The following CD38 variants were observed in gnomAD, a reference collection of about 807,000 sequenced individuals.
CD38 encodes CD38 molecule, also known as ADP-ribosyl cyclase/cyclic ADP-ribose hydrolase 1.
Under a neutral mutation model 36.3 loss-of-function variants are expected in CD38, and 31 were observed. The observed-to-expected ratio is 0.85, with a 90% CI of 0.64 to 1.15. The LOEUF (loss-of-function observed/expected upper bound fraction) is 1.15. CD38 is among the 50% of genes most tolerant of loss of function. The pLI is 0.00. For synonymous variants in CD38, 131 were observed against 135.2 expected (o/e 0.97, Z 0.22); for missense variants, 380 against 371.9 (o/e 1.02, Z -0.18).
rs180877957 is a variant in CD38, at chr4:15,803,759, G to A, written c.234-12752G>A. On this transcript the variant is annotated intron_variant, in intron 1 of 7. Transcript: ENST00000226279. ...TGATTGAACCCATCTCCCAGGTGGT[G>A]AGCATAGTACCCAATATGTGGTTTT... Among the ~76,000 whole-genome samples, 26 of 152,262 alleles carry A rather than the reference G, an allele frequency of 1.7e-4. 1 individual carries two copies. The East Asian group carries it at 1.7e-3, about 10-fold the overall frequency.
intron 5 of CD38, among the ~76,000 whole-genome samples, chr4:15,838,385 C>T (rs1345935373): frequency 6.6e-6 from 1 of 152,134 alleles, no homozygotes; most frequent in Non-Finnish European, 1.5e-5. Context: ...GTTCTAATGG[C>T]CACTGCACTG....
chr4:15,815,804 A>C (rs1046332922), intron 1 of CD38, among the ~76,000 whole-genome samples: 5 of 152,136 alleles, frequency 3.3e-5, no homozygotes, highest in African/African-American at 9.7e-5. Flanking sequence ...TACTATGTTG[A>C]ACAGGAGTGG....
rs535987534 is a variant in CD38, at chr4:15,786,805, C to T, written c.233+8158C>T. ...GCGGTGCTCGTCGGGGAGGCTCCAG[C>T]GGCACAGGAGCCCACGGCAGGGAGG... On this transcript the variant is annotated intron_variant, in intron 1 of 7. Transcript: ENST00000226279. Among the ~76,000 whole-genome samples, 6 of 152,186 alleles carry T rather than the reference C, an allele frequency of 3.9e-5. No individual in the cohort carries two copies. The South Asian group carries it at 6.2e-4, about 16-fold the overall frequency.
At chr4:15,783,143 A>G (rs1052063447) in intron 1 of CD38, among the ~76,000 whole-genome samples, 1 of 152,136 alleles carries the variant, frequency 6.6e-6, no homozygotes, top group Non-Finnish European at 1.5e-5. Context: ...TGAAATACAC[A>G]TGGCCAAGAC....
chr4:15,795,743 G>T (rs1452405151), intron 1 of CD38, among the ~76,000 whole-genome samples: 1 of 152,026 alleles, frequency 6.6e-6, no homozygotes, highest in African/African-American at 2.4e-5. Flanking sequence ...AAGCTCAGTT[G>T]TCTACTCCCT....
rs1211388813 is a variant in CD38, at chr4:15,850,313, T to A, written c.*1711T>A. On this transcript the variant is annotated 3_prime_UTR_variant, in exon 8 of 8. Coordinates refer to ENST00000226279, the MANE Select transcript of CD38 (RefSeq NM_001775.4). ...GACCCTGTCTCAATAAAAGCAAAAA[T>A]AAAGAAAATAAACCATATGTGTTGA... The A allele has an allele frequency of 6.6e-6, 1 of 152,014 alleles. No individual in the cohort carries two copies. The highest frequency in any genetic ancestry group is 2.4e-5 in the African/African-American group (1 of 41,384). The allele number at this position is 152,014 out of a possible 1,614,324, so 9.4% of individuals were successfully genotyped here. A position where few individuals can be genotyped will look rare whatever the true frequency, so the allele number is the denominator to read the frequency against.
At chr4:15,802,821 AG>A (rs1314554934) in intron 1 of CD38, among the ~76,000 whole-genome samples, 3 of 152,204 alleles carry the variant, frequency 2.0e-5, no homozygotes, top group African/African-American at 7.2e-5. Flanking sequence ...CTGGTATTAC[AG>A]GCATGAGCCT....
intron 1 of CD38, among the ~76,000 whole-genome samples, chr4:15,790,450 T>C (rs1224358073): frequency 1.3e-5 from 2 of 151,914 alleles, no homozygotes; most frequent in African/African-American, 2.4e-5. Context: ...GGTGCCGGGA[T>C]TGCGGACGGA....
chr4:15,789,594 C>T (rs1722913504), intron 1 of CD38, among the ~76,000 whole-genome samples: 1 of 152,092 alleles, frequency 6.6e-6, no homozygotes, highest in African/African-American at 2.4e-5. Context: ...CCAGAAGTGG[C>T]AGGATGAGAG....
chr4:15,808,598 C>T (rs987922923), intron 1 of CD38, among the ~76,000 whole-genome samples: 1 of 152,206 alleles, frequency 6.6e-6, no homozygotes, highest in Non-Finnish European at 1.5e-5. Flanking sequence ...CCAGGGATAG[C>T]TATTCTTACA....
chr4:15,839,868 G>A (rs1196450796), intron 5 of CD38, among the ~76,000 whole-genome samples, 158 bp from the exon 6 acceptor site: 4 of 152,172 alleles, frequency 2.6e-5, no homozygotes, highest in Admixed American at 1.3e-4. Flanking sequence ...CGAGGGTCAT[G>A]CTGAATAAGA....
At chr4:15,811,554 T>C (rs1300423663) in intron 1 of CD38, among the ~76,000 whole-genome samples, 1 of 152,194 alleles carries the variant, frequency 6.6e-6, no homozygotes, top group Non-Finnish European at 1.5e-5. Context: ...TGAATGGCCT[T>C]GGCACTCTTG....
intron 3 of CD38, chr4:15,826,035 GT>G (rs1723837422): frequency 6.8e-6 from 1 of 148,124 alleles, no homozygotes; most frequent in Non-Finnish European, 1.5e-5. Flanking sequence ...TTCATTGTTT[GT>G]TTTTAAAAGC....
chr4:15,802,190 A>G (rs1247832428), intron 1 of CD38, among the ~76,000 whole-genome samples: 2 of 152,092 alleles, frequency 1.3e-5, no homozygotes, highest in Non-Finnish European at 2.9e-5. Context: ...TACAATAGCT[A>G]CCCCCCAAAA....
chr4:15,786,281 G>C (rs1722827267), intron 1 of CD38, among the ~76,000 whole-genome samples: 1 of 152,220 alleles, frequency 6.6e-6, no homozygotes, highest in Non-Finnish European at 1.5e-5. Flanking sequence ...CTGCTGATTG[G>C]TTCATTTTAC....
chr4:15,779,757 G>A (rs577987055), intron 1 of CD38, among the ~76,000 whole-genome samples: 1 of 151,386 alleles, frequency 6.6e-6, no homozygotes, highest in South Asian at 2.1e-4. Flanking sequence ...AAAGTATGAA[G>A]TGAAATCCAA....
chr4:15,791,045 G>T (rs1490161113), intron 1 of CD38, among the ~76,000 whole-genome samples: 2 of 118,840 alleles, frequency 1.7e-5, no homozygotes, highest in Non-Finnish European at 3.7e-5. Context: ...GGAGGGAGGT[G>T]GGGGGGGGTC....
rs2148915684 is a variant in CD38 at position 15,791,015 on chromosome 4, C to A, written c.233+12368C>A. 1.4e-5 allele frequency among the ~76,000 whole-genome samples: 2 copies of A among 144,796 alleles called. 1 individual carries two copies. Among genetic ancestry groups the A allele is most frequent in the East Asian group, 4.2e-4 (2 of 4,744 alleles). 95.0% of individuals were successfully genotyped at this position (144,796 alleles called of 152,430 possible). On this transcript the variant is annotated intron_variant, in intron 1 of 7. Transcript: ENST00000226279. ...GTCTGGGAAGTGAGGAGCGTCTCCG[C>A]CCGGCAGCCACCCCGTCCGGGAGGG... is the stretch of plus-strand genomic sequence containing the variant.
At chr4:15,804,693 C>T (rs962519940) in intron 1 of CD38, among the ~76,000 whole-genome samples, 10 of 152,088 alleles carry the variant, frequency 6.6e-5, no homozygotes, top group African/African-American at 2.4e-4. Context: ...CATATATTCT[C>T]ACTTACATGT....
Sources: gnomAD v4.1 joint callset for allele counts (sites outside exome capture counted in the v4.1 genomes callset) on GRCh38, gnomAD v4.1.1 for gene constraint, MANE v1.5 for transcripts, NCBI Gene and HGNC (gene_info 2026-07-23, HGNC 2026-07-21) for gene names.